Variants in SLC10A7 observed in about 807,000 individuals in gnomAD.
SLC10A7 encodes the protein sodium/bile acid cotransporter 7.
In SLC10A7, 29 loss-of-function variants were observed where a neutral mutation model predicts 43.2. The observed-to-expected ratio is 0.67, with a 90% confidence interval of 0.50 to 0.92. The LOEUF (loss-of-function observed/expected upper bound fraction) is 0.92. Ranked by LOEUF, SLC10A7 falls within the 40% of genes least tolerant of loss-of-function variation. SLC10A7 has a pLI of 0.00. For missense variants in SLC10A7, 295 were observed against 403.2 expected, an observed-to-expected ratio of 0.73 and a Z score of 2.30; for synonymous variants, 152 against 144.8, an observed-to-expected ratio of 1.05 and a Z score of -0.35.
At chr4:146,519,420 C>T (rs945144663) in intron 1 of SLC10A7, among the ~76,000 whole-genome samples, 2 of 150,270 alleles carry the variant, frequency 1.3e-5, no homozygotes, top group African/African-American at 4.9e-5. Context: ...ACAAAGATTT[C>T]CTCAAATGCT....
At chr4:146,317,534 A>T (rs1732409141) in intron 6 of SLC10A7, among the ~76,000 whole-genome samples, 1 of 152,004 alleles carries the variant, frequency 6.6e-6, no homozygotes, top group East Asian at 1.9e-4. Context: ...AGTTGGTAAA[A>T]CATTGTTTTT....
Position 146,273,809 on chromosome 4 carries a change from C to T in SLC10A7, c.847+9383G>A, listed in dbSNP as rs143488371. Among the ~76,000 whole-genome samples, 403 of 152,128 alleles carry T rather than the reference C, an allele frequency of 2.6e-3. 1 individual carries two copies. The highest frequency in any genetic ancestry group is 4.5e-3 in the Non-Finnish European group (303 of 67,998). On this transcript the variant is annotated intron_variant, in intron 10 of 11. Coordinates refer to ENST00000335472, the MANE Select transcript of SLC10A7 (RefSeq NM_001029998.6). ...TGCCCTGGGAACTGAAACTCCCTCC[C>T]GCCGATGCTGCCCAAACTCCCACTG...
chr4:146,283,093 C>A (rs1323189269), intron 10 of SLC10A7, 99 bp downstream of exon 10: 3 of 937,014 alleles, frequency 3.2e-6, no homozygotes, highest in Non-Finnish European at 3.4e-6. Context: ...GTGGACAACA[C>A]CCCATTCCAT....
intron 10 of SLC10A7, among the ~76,000 whole-genome samples, chr4:146,271,351 A>G (rs558529560): frequency 2.9e-4 from 44 of 152,270 alleles, no homozygotes; most frequent in East Asian, 7.7e-4. Context: ...CAGGCCAAAC[A>G]TCTTGAATTC....
chr4:146,488,511 C>T (rs17021545), intron 4 of SLC10A7, among the ~76,000 whole-genome samples: 7,577 of 152,252 alleles, frequency 0.05, 255 homozygotes, highest in South Asian at 0.18. Context: ...AAAAAAATGA[C>T]TAAAAGTCCC....
chr4:146,449,507 G>T (rs1731393401), intron 4 of SLC10A7, among the ~76,000 whole-genome samples: 1 of 152,144 alleles, frequency 6.6e-6, no homozygotes, highest in African/African-American at 2.4e-5. Flanking sequence ...CCAGCAAAAA[G>T]AGATAGCGTG....
At position 146,261,757 on chromosome 4, in the gene SLC10A7, T is replaced by A. The variant is rs544852214; in HGVS notation, c.848-2920A>T. ...TCTCTACCCCCACAAGTGAATAATG[T>A]TAAAAATATGTTTGAAAATAATATA... On this transcript the variant is annotated intron_variant, in intron 10 of 11. Transcript: ENST00000335472. Among the ~76,000 whole-genome samples the A allele has an allele frequency of 4.6e-5, 7 of 152,284 alleles. No homozygotes were observed. The South Asian group carries it at 1.5e-3, about 32-fold the overall frequency.
intron 10 of SLC10A7, among the ~76,000 whole-genome samples, chr4:146,267,870 G>A (rs1013254331): frequency 2.0e-5 from 3 of 152,134 alleles, no homozygotes; most frequent in South Asian, 2.1e-4. Flanking sequence ...CAACAGCAGC[G>A]CCTCTGGGAT....
chr4:146,297,813 A>G (rs1010959363), intron 7 of SLC10A7, among the ~76,000 whole-genome samples: 1 of 152,236 alleles, frequency 6.6e-6, no homozygotes, highest in African/African-American at 2.4e-5. Context: ...GCAAAAAAAC[A>G]TAAACAATAA....
intron 5 of SLC10A7, among the ~76,000 whole-genome samples, chr4:146,370,470 ATTGATTGAAAGAAGCTC>A (rs1736690889): frequency 6.6e-6 from 1 of 152,042 alleles, no homozygotes; most frequent in Non-Finnish European, 1.5e-5. Flanking sequence ...CTGCCATGTT[ATTGATTGAAAGAAGCTC>A]AGGCAAGGTG....
At chr4:146,497,258 G>C (rs532614885) in intron 4 of SLC10A7, among the ~76,000 whole-genome samples, 4 of 152,304 alleles carry the variant, frequency 2.6e-5, no homozygotes, top group African/African-American at 9.6e-5. Context: ...CCTATAGTCA[G>C]TACACTGCTA....
intron 5 of SLC10A7, among the ~76,000 whole-genome samples, chr4:146,440,571 A>G (rs770299461): frequency 4.6e-5 from 7 of 152,168 alleles, no homozygotes; most frequent in Non-Finnish European, 8.8e-5. Flanking sequence ...TTAATCTTGT[A>G]TAAATCACTA....
chr4:146,500,762 CTCTACT>C (rs1736327937), intron 4 of SLC10A7, among the ~76,000 whole-genome samples: 1 of 152,122 alleles, frequency 6.6e-6, no homozygotes, highest in African/African-American at 2.4e-5. Flanking sequence ...AAACAGTTGT[CTCTACT>C]TCTATCTCTA....
At chr4:146,411,268 C>T (rs761434197) in intron 5 of SLC10A7, among the ~76,000 whole-genome samples, 7 of 152,070 alleles carry the variant, frequency 4.6e-5, no homozygotes, top group East Asian at 1.9e-4. Flanking sequence ...TACAGACCAC[C>T]GTGGTGCCCT....
At position 146,321,486 on chromosome 4, in the gene SLC10A7, CA is replaced by C. The variant is rs1345556618; in HGVS notation, c.471+4474del. Among the ~76,000 whole-genome samples the C allele has an allele frequency of 2.0e-5, 3 of 152,270 alleles. No individual in the cohort carries two copies. In the East Asian group the frequency reaches 5.8e-4, roughly 29 times the overall value. On this transcript the variant is annotated intron_variant, in intron 6 of 11. Transcript: ENST00000335472. ...CTTTTGCAATTACCTGATGTCCAAA[CA>C]AGACCACATTCTGATATACTTGGAG...
chr4:146,257,032 G>C, intron 11 of SLC10A7: 2 of 842,120 alleles, frequency 2.4e-6, no homozygotes, highest in Admixed American at 2.5e-5. Context: ...GCTTTTAAAT[G>C]TTTGGAAGAA....
chr4:146,506,675 T>C (rs956757758), intron 3 of SLC10A7, among the ~76,000 whole-genome samples: 8 of 152,240 alleles, frequency 5.3e-5, no homozygotes, highest in South Asian at 4.1e-4. Flanking sequence ...AATATTTTCA[T>C]GGTTACCATT....
intron 5 of SLC10A7, among the ~76,000 whole-genome samples, chr4:146,423,873 A>T (rs1054860233): frequency 2.0e-5 from 3 of 152,234 alleles, no homozygotes; most frequent in African/African-American, 7.2e-5. Flanking sequence ...CATCTGCCAA[A>T]ATTTATTTTG....
At chr4:146,325,546 A>G (rs922863027) in intron 6 of SLC10A7, among the ~76,000 whole-genome samples, 2 of 152,182 alleles carry the variant, frequency 1.3e-5, no homozygotes, top group African/African-American at 4.8e-5. Flanking sequence ...TGAGGAAGCT[A>G]GTTATCATCA....
Sources: gnomAD v4.1 joint callset for allele counts (sites outside exome capture counted in the v4.1 genomes callset) on GRCh38, gnomAD v4.1.1 for gene constraint, MANE v1.5 for transcripts, NCBI Gene and HGNC (gene_info 2026-07-23, HGNC 2026-07-21) for gene names.